The following KIF18A variants were observed in gnomAD, a reference collection of about 807,000 sequenced individuals.
The protein encoded by KIF18A is kinesin-like protein KIF18A.
KIF18A carries 67 observed loss-of-function variants against 103.3 expected under a neutral mutation model. The ratio of observed to expected loss-of-function variants is 0.65; its 90% CI spans 0.53 to 0.79. The LOEUF (loss-of-function observed/expected upper bound fraction) is 0.79, where lower values mean the gene tolerates loss of function less well. KIF18A is among the 30% of genes least tolerant of loss of function. The pLI is 0.00. For synonymous variants in KIF18A, 367 were observed against 355.5 expected (o/e 1.03, Z -0.36); for missense variants, 1,032 against 1,062.5 (o/e 0.97, Z 0.40).
At chr11:28,045,722 A>G (rs1850623255) in intron 13 of KIF18A, among the ~76,000 whole-genome samples, 1 of 152,108 alleles carries the variant, frequency 6.6e-6, no homozygotes, top group African/African-American at 2.4e-5. Context: ...AGAAGTTATA[A>G]CATCTAAACA....
In KIF18A at chr11:28,098,854, AC is replaced by A. The variant is rs530857063; in HGVS notation, c.-46-862del. 1.8e-3 allele frequency among the ~76,000 whole-genome samples: 270 copies of A among 151,940 alleles called. 1 individual carries two copies. Among genetic ancestry groups the A allele is most frequent in the South Asian group, 0.011 (55 of 4,784 alleles). ...CAGACCCAAAAACCAAAACAAAAAA[AC>A]AAACAACAACAACAACAAAAAGACA... On this transcript the variant is annotated intron_variant, in intron 1 of 16. Coordinates refer to ENST00000263181, the MANE Select transcript of KIF18A (RefSeq NM_031217.4).
chr11:28,072,379 G>A (rs10767693), intron 10 of KIF18A, among the ~76,000 whole-genome samples: 1 of 151,820 alleles, frequency 6.6e-6, no homozygotes, highest in Non-Finnish European at 1.5e-5. Flanking sequence ...CCCTTTAATA[G>A]TAATTTCAAA....
chr11:28,069,055 A>G (rs1363546504), intron 11 of KIF18A, among the ~76,000 whole-genome samples: 2 of 152,184 alleles, frequency 1.3e-5, no homozygotes, highest in African/African-American at 4.8e-5. Flanking sequence ...GTGCAGGTTG[A>G]AATAGAATTG....
chr11:28,050,253 T>C (rs543158573), intron 13 of KIF18A, among the ~76,000 whole-genome samples: 1 of 151,940 alleles, frequency 6.6e-6, no homozygotes, highest in East Asian at 1.9e-4. Flanking sequence ...TTTGCAGCTA[T>C]AGATGAATAA....
At chr11:28,107,046 T>G (rs1357234062) in intron 1 of KIF18A, among the ~76,000 whole-genome samples, 1 of 152,202 alleles carries the variant, frequency 6.6e-6, no homozygotes, top group Admixed American at 6.5e-5. Flanking sequence ...GTTTTTTTCT[T>G]TGTGATTGTG....
chr11:28,093,462 TGTTTCTGCACTG>T (rs1450225636), intron 3 of KIF18A, among the ~76,000 whole-genome samples: 1 of 152,140 alleles, frequency 6.6e-6, no homozygotes, highest in African/African-American at 2.4e-5. Flanking sequence ...AGGGTTTTTA[TGTTTCTGCACTG>T]GTTTCTGAAA....
chr11:28,104,039 T>C (rs548839082), intron 1 of KIF18A, among the ~76,000 whole-genome samples: 1 of 152,228 alleles, frequency 6.6e-6, no homozygotes, highest in Non-Finnish European at 1.5e-5. Flanking sequence ...CTATTTATCC[T>C]GAATACTTGC....
At chr11:28,060,213 A>G (rs189271294) in intron 12 of KIF18A, among the ~76,000 whole-genome samples, 109 of 152,328 alleles carry the variant, frequency 7.2e-4, no homozygotes, top group African/African-American at 2.4e-3. Flanking sequence ...TTCTATAAAG[A>G]AATATGTCTA....
At chr11:28,103,596 T>C (rs1217645891) in intron 1 of KIF18A, among the ~76,000 whole-genome samples, 2 of 152,124 alleles carry the variant, frequency 1.3e-5, no homozygotes, top group East Asian at 1.9e-4. Flanking sequence ...TGACAGTTAA[T>C]AGACTTTTAC....
At chr11:28,042,763 G>A (rs1470491337) in intron 13 of KIF18A, among the ~76,000 whole-genome samples, 1 of 151,684 alleles carries the variant, frequency 6.6e-6, no homozygotes, top group Non-Finnish European at 1.5e-5. Context: ...CCTGAATAGA[G>A]GCATCTAGCG....
chr11:28,095,750 C>T (rs1001068170), intron 2 of KIF18A, among the ~76,000 whole-genome samples: 26 of 151,906 alleles, frequency 1.7e-4, no homozygotes, highest in African/African-American at 6.3e-4. Flanking sequence ...TGGCTCATCC[C>T]TACAATCCCA....
chr11:28,042,347 C>T (rs1850571161), intron 13 of KIF18A, among the ~76,000 whole-genome samples: 1 of 151,874 alleles, frequency 6.6e-6, no homozygotes, highest in Non-Finnish European at 1.5e-5. Flanking sequence ...AGGCACCCTA[C>T]TGTCTCTGCA....
intron 2 of KIF18A, among the ~76,000 whole-genome samples, chr11:28,096,896 A>T (rs1179957907): frequency 2.7e-5 from 4 of 149,650 alleles, no homozygotes; most frequent in African/African-American, 4.9e-5. Flanking sequence ...TTTTTTTTTT[A>T]AAAAGGAAAT....
intron 13 of KIF18A, among the ~76,000 whole-genome samples, chr11:28,058,318 C>T (rs1031777647): frequency 1.3e-5 from 2 of 151,206 alleles, no homozygotes; most frequent in Non-Finnish European, 2.9e-5. Flanking sequence ...ATAGAGGTTA[C>T]ATTTTAAAGA....
intron 9 of KIF18A, among the ~76,000 whole-genome samples, chr11:28,082,578 G>A (rs551619073): frequency 6.6e-6 from 1 of 152,232 alleles, no homozygotes; most frequent in African/African-American, 2.4e-5. Flanking sequence ...ATAGTGTAGT[G>A]TAAACATAAT....
intron 13 of KIF18A, among the ~76,000 whole-genome samples, chr11:28,053,283 T>G (rs1248732659): frequency 4.6e-5 from 7 of 152,274 alleles, no homozygotes; most frequent in Non-Finnish European, 7.4e-5. Flanking sequence ...ATCTACTTTT[T>G]TTTGTTTTGT....
chr11:28,076,987 ATT>A lies in KIF18A; in HGVS notation c.1425+18_1425+19del. On this transcript the variant is annotated intron_variant, in intron 10 of 16. Coordinates refer to ENST00000263181, the MANE Select transcript of KIF18A (RefSeq NM_031217.4). ...ATGTTTTTATACTTTCTAAAATTTAATTATAAAATTGTTAATTACCTTTTCTA... is the reference window on the plus strand; with the variant it reads ...ATGTTTTTATACTTTCTAAAATTTAAATAAAATTGTTAATTACCTTTTCTA... 1 of 1,263,944 alleles carries A rather than the reference ATT, an allele frequency of 7.9e-7. No individual in the cohort carries two copies. The highest frequency in any genetic ancestry group is 3.0e-5 in the East Asian group (1 of 33,124). The allele number at this position is 1,263,944 out of a possible 1,614,324, so 78.3% of individuals were successfully genotyped here.
rs765377739 is a variant in KIF18A at position 28,036,643 on chromosome 11, T to A, written c.1970A>T (p.Asn657Ile). The A allele has an allele frequency of 6.2e-7, 1 of 1,602,950 alleles. No homozygotes were observed. The highest frequency in any genetic ancestry group is 8.5e-7 in the Non-Finnish European group (1 of 1,173,506). ...IPCCSSSGGTNLVKIPTEKRT... is the reference protein window; with the variant it reads ...IPCCSSSGGTILVKIPTEKRT... ...TTTTTCTGTAGGAATCTTAACCAGA[T>A]TAGTTCCACCTGAAGATGAGCCTAT... The change falls in exon 14 of 17, where the codon AAT becomes ATT. Residue 657 changes from asparagine (N) to isoleucine (I), a missense_variant. By Grantham distance (149) the Asn-to-Ile change is moderately radical. Coordinates refer to ENST00000263181, the MANE Select transcript of KIF18A (RefSeq NM_031217.4).
intron 16 of KIF18A, 72 bp from the exon 17 acceptor site, chr11:28,021,354 TA>T (rs1217263330): frequency 8.7e-7 from 1 of 1,152,646 alleles, no homozygotes; most frequent in African/African-American, 1.6e-5. Context: ...GTTCAACTTA[TA>T]AAAATTATGA....
Sources: gnomAD v4.1 joint callset for allele counts (sites outside exome capture counted in the v4.1 genomes callset) on GRCh38, gnomAD v4.1.1 for gene constraint, MANE v1.5 for transcripts, NCBI Gene and HGNC (gene_info 2026-07-23, HGNC 2026-07-21) for gene names.